Variants in SNX19 observed in about 807,000 individuals in gnomAD.
SNX19 encodes sorting nexin-19.
SNX19 carries 60 observed loss-of-function variants against 85.2 expected under a neutral mutation model. The observed-to-expected ratio is 0.70, with a 90% CI of 0.57 to 0.87. The LOEUF is 0.87. SNX19 is among the 40% of genes least tolerant of loss of function. The pLI, the probability that SNX19 is intolerant of heterozygous loss-of-function variation, is 0.00. For synonymous variants in SNX19, 520 were observed against 470.0 expected (o/e 1.11, Z -1.38); for missense variants, 1,201 against 1,217.8 (o/e 0.99, Z 0.21).
Position 130,879,650 on chromosome 11 carries a change from C to T in SNX19, c.2820G>A (p.Glu940=), listed in dbSNP as rs1363328682. Residue 940 remains glutamate, a synonymous_variant, in exon 10 of 11, where the codon GAG becomes GAA. Coordinates refer to ENST00000265909, the MANE Select transcript of SNX19 (RefSeq NM_014758.3). ...TGTTGATGAGGGGTTGTTGTAGTGA[C>T]TCCAGGACTAGACCCCAGCTCAGCC... ...KCRLSWGLVL[E]SLQQPLINRH... is the part of the protein sequence containing the mutation. 5.6e-6 allele frequency: 9 copies of T among 1,613,944 alleles called. No homozygotes were observed. The East Asian group carries it at 1.6e-4, about 28-fold the overall frequency.
At position 130,880,732 on chromosome 11, in the gene SNX19, G is replaced by T; in HGVS notation, c.2648C>A (p.Ser883Tyr). The change falls in exon 9 of 11, where the codon TCC becomes TAC. Residue 883 changes from serine (S) to tyrosine (Y), a missense_variant. This residue lies in a region of SNX19 where 285 missense variants were observed against 295.3 expected (regional missense o/e 0.97). Coordinates refer to ENST00000265909, the MANE Select transcript of SNX19 (RefSeq NM_014758.3). ...WVQYLLLLQESIWPGGVLPKF... is the reference protein window; with the variant it reads ...WVQYLLLLQEYIWPGGVLPKF... The stretch of plus-strand genomic sequence containing the variant: ...AGGCAAAACTCCACCAGGCCAGATG[G>T]ACTCCTGAAGAAGCAGGAGGTACTG... The T allele has an allele frequency of 6.2e-7, 1 of 1,612,026 alleles. No homozygotes were observed. The highest frequency in any genetic ancestry group is 8.5e-7 in the Non-Finnish European group (1 of 1,178,402).
rs754314764 is a variant in SNX19 at position 130,906,145 on chromosome 11, T to C, written c.2263-12A>G. On this transcript the variant is annotated splice_polypyrimidine_tract_variant and intron_variant, in intron 6 of 10. Transcript: ENST00000265909. ...AGAGTCTCAGACTCCTAAGAAATAGTCAGTGGCATATCACATATGGAATGC... is the reference window on the plus strand; with the variant it reads ...AGAGTCTCAGACTCCTAAGAAATAGCCAGTGGCATATCACATATGGAATGC... 6.2e-7 allele frequency: 1 copy of C among 1,611,576 alleles called. No individual in the cohort carries two copies. Among genetic ancestry groups the C allele is most frequent in the Admixed American group, 1.7e-5 (1 of 59,826 alleles).
At position 130,873,673 on chromosome 11, in the gene SNX19, C is replaced by T. The variant is rs1341946734; in HGVS notation, c.*4749G>A. Among the ~76,000 whole-genome samples the T allele has an allele frequency of 6.6e-6, 1 of 152,070 alleles. No individual in the cohort carries two copies. The highest frequency in any genetic ancestry group is 2.4e-5 in the African/African-American group (1 of 41,416). On this transcript the variant is annotated 3_prime_UTR_variant, in exon 11 of 11. Transcript: ENST00000265909. ...TTGCACCAACCCACTACATCAGAAC[C>T]TACCTTTAAGGGTTGATTTGTGGGT...
Position 130,870,632 on chromosome 11 carries a change from T to C in SNX19, c.*7790A>G, listed in dbSNP as rs1942988833. Among the ~76,000 whole-genome samples the C allele has an allele frequency of 6.6e-6, 1 of 152,178 alleles. No homozygotes were observed. The highest frequency in any genetic ancestry group is 1.5e-5 in the Non-Finnish European group (1 of 68,038). On this transcript the variant is annotated 3_prime_UTR_variant, in exon 11 of 11. Transcript: ENST00000265909. ...TCCACATATCTTCACCCTTCAAGCCTTTCCATAAAAGTCACCAGCACCCTG... is the reference window on the plus strand; with the variant it reads ...TCCACATATCTTCACCCTTCAAGCCCTTCCATAAAAGTCACCAGCACCCTG...
chr11:130,910,701 G>A (rs1225556227), intron 2 of SNX19, among the ~76,000 whole-genome samples: 2 of 152,136 alleles, frequency 1.3e-5, no homozygotes, highest in East Asian at 1.9e-4. Context: ...ACAGGCTGAC[G>A]GGAGCATTAA....
At position 130,906,008 on chromosome 11, in the gene SNX19, G is replaced by A. The variant is rs755266287; in HGVS notation, c.2388C>T (p.Asp796=). 3 of 1,614,100 alleles carry A rather than the reference G, an allele frequency of 1.9e-6. No individual in the cohort carries two copies. Among genetic ancestry groups the A allele is most frequent in the Non-Finnish European group, 2.5e-6 (3 of 1,180,044 alleles). The change falls in exon 7 of 11, where the codon GAC becomes GAT. Residue 796 remains aspartate, a synonymous_variant. Coordinates refer to ENST00000265909, the MANE Select transcript of SNX19 (RefSeq NM_014758.3). ...GCACGGCTGCATCTGACACGCAACT[G>A]TCCACACGTCCTTTGGGAGGTTGTT... ...DPEQPPKGRV[D]SCVSDAAVPA...
chr11:130,884,190 A>G (rs1255300878), intron 8 of SNX19, among the ~76,000 whole-genome samples: 1 of 152,136 alleles, frequency 6.6e-6, no homozygotes, highest in Non-Finnish European at 1.5e-5. Context: ...CCATTTCATT[A>G]TCTAACTTTA....
intron 4 of SNX19, among the ~76,000 whole-genome samples, chr11:130,908,911 A>C (rs143852255): frequency 2.6e-5 from 4 of 152,258 alleles, no homozygotes; most frequent in Non-Finnish European, 5.9e-5. Context: ...GCCTTCTTTG[A>C]CTCATTCTTG....
chr11:130,877,774 G>T lies in SNX19; in HGVS notation c.*648C>A, dbSNP rs1406275590. ...TTTGAAGTCTTCTGGAAAGGAAAGT[G>T]TAGCCTCCCAGGCAAGCAGCCTCAT... On this transcript the variant is annotated 3_prime_UTR_variant, in exon 11 of 11. Transcript: ENST00000265909. 6.6e-6 allele frequency: 1 copy of T among 152,618 alleles called. No individual in the cohort carries two copies. The highest frequency in any genetic ancestry group is 2.4e-5 in the African/African-American group (1 of 41,466). The allele number at this position is 152,618 out of a possible 1,614,324, so 9.5% of individuals were successfully genotyped here.
intron 8 of SNX19, among the ~76,000 whole-genome samples, chr11:130,889,364 G>A (rs1944332074): frequency 6.6e-6 from 1 of 151,962 alleles, no homozygotes; most frequent in Non-Finnish European, 1.5e-5. Context: ...TCAAAGCATT[G>A]GTTGAGCTTC....
chr11:130,894,931 A>AT, intron 8 of SNX19: 1 of 985,424 alleles, frequency 1.0e-6, no homozygotes, highest in Non-Finnish European at 1.2e-6. Flanking sequence ...CTAGGCTATG[A>AT]TTTCTATTTC....
At chr11:130,906,563 G>T in intron 6 of SNX19, 62 bp downstream of exon 6, 2 of 1,172,646 alleles carry the variant, frequency 1.7e-6, no homozygotes, top group Non-Finnish European at 2.6e-6. Flanking sequence ...TCAACTACCT[G>T]TAACTGCAGG....
rs1323616795 is a variant in SNX19 at position 130,875,537 on chromosome 11, T to TAAG, written c.*2882_*2884dup. 1.3e-5 allele frequency: 2 copies of TAAG among 152,206 alleles called. No individual in the cohort carries two copies. Among genetic ancestry groups the TAAG allele is most frequent in the African/African-American group, 4.8e-5 (2 of 41,544 alleles). The allele number at this position is 152,206 out of a possible 1,614,324, so 9.4% of individuals were successfully genotyped here. A position where few individuals can be genotyped will look rare whatever the true frequency, so the allele number is the denominator to read the frequency against. ...CACATTATGTGTTTCTTTACAACAA[T>TAAG]AAGAAAATCACCTTGTAAACTGGAA... On this transcript the variant is annotated 3_prime_UTR_variant, in exon 11 of 11. Transcript: ENST00000265909.
At chr11:130,882,520 G>A (rs1943752658) in intron 8 of SNX19, among the ~76,000 whole-genome samples, 1 of 152,224 alleles carries the variant, frequency 6.6e-6, no homozygotes, top group African/African-American at 2.4e-5. Flanking sequence ...GGTAATAGCA[G>A]GGCAAGAATG....
chr11:130,872,398 G>A lies in SNX19; in HGVS notation c.*6024C>T, dbSNP rs1264794492. Among the ~76,000 whole-genome samples, 1 of 151,942 alleles carries A rather than the reference G, an allele frequency of 6.6e-6. No homozygotes were observed. The highest frequency in any genetic ancestry group is 1.5e-5 in the Non-Finnish European group (1 of 67,978). Reference sequence around the variant, plus strand: ...TGCTACCAAGTCACAGAAGGAAAAAGATTCTGATGATTTTCACTTGTTTCA... The same window carrying A: ...TGCTACCAAGTCACAGAAGGAAAAAAATTCTGATGATTTTCACTTGTTTCA... On this transcript the variant is annotated 3_prime_UTR_variant, in exon 11 of 11. Coordinates refer to ENST00000265909, the MANE Select transcript of SNX19 (RefSeq NM_014758.3).
chr11:130,913,639 T>C (rs1204842820), intron 1 of SNX19, among the ~76,000 whole-genome samples: 1 of 152,186 alleles, frequency 6.6e-6, no homozygotes, highest in African/African-American at 2.4e-5. Context: ...GTCCAAGAAT[T>C]TTCTTTCTCA....
intron 10 of SNX19, among the ~76,000 whole-genome samples, chr11:130,879,344 G>A (rs1943484050): frequency 6.6e-6 from 1 of 152,174 alleles, no homozygotes; most frequent in Admixed American, 6.5e-5. Context: ...ATTTTCAGCA[G>A]CTCATGTGGG....
rs925951079 is a variant in SNX19, at chr11:130,866,407, C to A, written c.*12015G>T. 3 of 152,114 alleles carry A rather than the reference C, an allele frequency of 2.0e-5. No homozygotes were observed. The highest frequency in any genetic ancestry group is 2.9e-5 in the Non-Finnish European group (2 of 68,034). 9.4% of individuals were successfully genotyped at this position (152,114 alleles called of 1,614,324 possible). A position where few individuals can be genotyped will look rare whatever the true frequency, so the allele number is the denominator to read the frequency against. On this transcript the variant is annotated 3_prime_UTR_variant, in exon 11 of 11. Coordinates refer to ENST00000265909, the MANE Select transcript of SNX19 (RefSeq NM_014758.3). ...GACAAATGGTCAAATATTCAAATGG[C>A]CTGGCACTAGTGGTAATTCCAGCAG...
chr11:130,903,863 CCT>C (rs1212666716), intron 7 of SNX19, among the ~76,000 whole-genome samples: 2 of 152,004 alleles, frequency 1.3e-5, no homozygotes, highest in African/African-American at 2.4e-5. Context: ...GGCAAGGCCT[CCT>C]CTCTTTCCAA....
Sources: gnomAD v4.1 joint callset for allele counts (sites outside exome capture counted in the v4.1 genomes callset) on GRCh38, gnomAD v4.1.1 for gene constraint, gnomAD v4.1.1 regional missense constraint, MANE v1.5 for transcripts, NCBI Gene and HGNC (gene_info 2026-07-23, HGNC 2026-07-21) for gene names.